The following TPM3 variants were observed in gnomAD, a reference collection of about 807,000 sequenced individuals.
TPM3 encodes tropomyosin 3.
A neutral mutation model predicts 43.1 loss-of-function variants in TPM3; 16 were observed. The observed-to-expected ratio is 0.37, with a 90% CI of 0.25 to 0.56. The LOEUF (loss-of-function observed/expected upper bound fraction) is 0.56, where lower values mean the gene tolerates loss of function less well. Ranked by LOEUF, TPM3 falls within the 20% of genes least tolerant of loss-of-function variation. The probability of loss-of-function intolerance (pLI) is 0.77; values close to 1 mark genes in which losing one functional copy is unlikely to be tolerated. For missense variants in TPM3, 176 were observed against 337.2 expected (o/e 0.52, Z 3.74); for synonymous variants, 101 against 116.9 (o/e 0.86, Z 0.88).
At chr1:154,169,447 T>A (rs906292859) in intron 8 of TPM3, 64 bp from the exon 9 acceptor site, 17 of 1,518,582 alleles carry the variant, frequency 1.1e-5, no homozygotes, top group Non-Finnish European at 1.5e-5. Flanking sequence ...CAGAAGCAGA[T>A]GAAGAGAGGG....
Position 154,163,343 on chromosome 1 carries a change from T to C in TPM3, c.*4594A>G, listed in dbSNP as rs556015806. 2.8e-4 allele frequency among the ~76,000 whole-genome samples: 42 copies of C among 152,328 alleles called. No individual in the cohort carries two copies. The highest frequency in any genetic ancestry group is 2.2e-3 in the Admixed American group (34 of 15,298). ...CTAGACATCATTACCAAAAGTTCTG[T>C]TGGAAAGCCCTGCTCTAAAGTAAAT... On this transcript the variant is annotated 3_prime_UTR_variant, in exon 10 of 10. Transcript: ENST00000651641.
intron 2 of TPM3, among the ~76,000 whole-genome samples, chr1:154,182,787 C>A (rs141006941): frequency 6.6e-6 from 1 of 152,166 alleles, no homozygotes; most frequent in East Asian, 1.9e-4. Context: ...AAAGGTCAAG[C>A]CTGCTCGCCC....
intron 2 of TPM3, among the ~76,000 whole-genome samples, chr1:154,179,217 G>A (rs941945308): frequency 1.3e-5 from 2 of 152,214 alleles, no homozygotes; most frequent in African/African-American, 4.8e-5. Flanking sequence ...CCGTGTCCTT[G>A]GGGAATTTAA....
At chr1:154,187,157 CCTT>C (rs1663445823) in intron 2 of TPM3, 1 of 234,012 alleles carries the variant, frequency 4.3e-6, no homozygotes, top group Non-Finnish European at 7.0e-6. Flanking sequence ...TAAACACTGT[CCTT>C]CTTTGACCCT....
rs1431624972 is a variant in TPM3, at chr1:154,167,872, G to C, written c.*65C>G. ...GACCCAAATGGAATCCAGAGCGAGA[G>C]TGGGGCCTTGGGTTCCCCGAGGAGT... is the stretch of plus-strand genomic sequence containing the variant. On this transcript the variant is annotated 3_prime_UTR_variant, in exon 10 of 10. Transcript: ENST00000651641. The C allele has an allele frequency of 3.7e-6, 6 of 1,613,758 alleles. No homozygotes were observed. In the African/African-American group the frequency reaches 4.0e-5, roughly 11 times the overall value.
At chr1:154,155,780 T>C (rs1451666919), downstream of TPM3, 2 of 224,816 alleles carry the variant, frequency 8.9e-6, no homozygotes, top group African/African-American at 2.2e-5. Context: ...ATTGATATGG[T>C]TGTGAAGGAA....
At chr1:154,179,856 C>A (rs753419651) in intron 2 of TPM3, among the ~76,000 whole-genome samples, 1 of 151,910 alleles carries the variant, frequency 6.6e-6, no homozygotes, top group Admixed American at 6.6e-5. Flanking sequence ...TGTGAGCCAC[C>A]GCACCCAGCC....
chr1:154,182,989 T>C (rs1443415308), intron 2 of TPM3: 1 of 1,610,970 alleles, frequency 6.2e-7, no homozygotes, highest in South Asian at 1.1e-5. Context: ...TCTCCGTACC[T>C]GTTCCCGGGC....
At chr1:154,179,505 G>T (rs1035034917) in intron 2 of TPM3, among the ~76,000 whole-genome samples, 2 of 152,072 alleles carry the variant, frequency 1.3e-5, no homozygotes, top group African/African-American at 4.8e-5. Context: ...CCACTCCCTC[G>T]GTAGTACTCT....
chr1:154,183,286 G>A, intron 2 of TPM3: 3 of 1,508,008 alleles, frequency 2.0e-6, no homozygotes, highest in Non-Finnish European at 1.8e-6. Flanking sequence ...CAGGCAGGCG[G>A]GAAGGCAGTC....
In TPM3 at chr1:154,170,699, CTTT is replaced by C. The variant is rs1661474374; in HGVS notation, c.652_654del (p.Lys218del). ...TTGATTTCTTCCTCATATTTATCTT[CTTT>C]TTGAGAGTACTGTAAGATAAGTAGA... On this transcript the variant is annotated inframe_deletion, in exon 7 of 10. Coordinates refer to ENST00000651641, the MANE Select transcript of TPM3 (RefSeq NM_152263.4). The C allele has an allele frequency of 6.2e-7, 1 of 1,609,778 alleles. No individual in the cohort carries two copies. Among genetic ancestry groups the C allele is most frequent in the Non-Finnish European group, 8.5e-7 (1 of 1,177,046 alleles).
At chr1:154,176,002 G>A (rs1571417930) in intron 3 of TPM3, 113 bp downstream of exon 3, 1 of 1,551,184 alleles carries the variant, frequency 6.4e-7, no homozygotes, top group Non-Finnish European at 8.8e-7. Flanking sequence ...TTACAGGCGT[G>A]AGCCATCACA....
At chr1:154,174,407 T>TATATATATATATATACACACAC (rs1261318136) in intron 3 of TPM3, among the ~76,000 whole-genome samples, 4 of 72,688 alleles carry the variant, frequency 5.5e-5, no homozygotes, top group African/African-American at 2.0e-4. Context: ...TATATATATA[T>TATATATATATATATACACACAC]ACACACAAAA....
At chr1:154,185,469 G>A (rs1338378580) in intron 2 of TPM3, among the ~76,000 whole-genome samples, 1 of 150,312 alleles carries the variant, frequency 6.7e-6, no homozygotes, top group Non-Finnish European at 1.5e-5. Context: ...GGATCACGAG[G>A]TCAGGAGTTC....
chr1:154,178,040 A>G, intron 2 of TPM3: 1 of 662,866 alleles, frequency 1.5e-6, no homozygotes, highest in Non-Finnish European at 1.9e-6. Flanking sequence ...TCACAAACCC[A>G]ACAAGGCCAT....
rs1261318136 is a variant in TPM3, at chr1:154,174,407, T to TATATACATAC, written c.378-1207_378-1206insGTATGTATAT. On this transcript the variant is annotated intron_variant, in intron 3 of 9. Coordinates refer to ENST00000651641, the MANE Select transcript of TPM3 (RefSeq NM_152263.4). ...ATATATATATATATATATATATATA[T>TATATACATAC]ACACACAAAAATCCCATCCCAGCTT... Among the ~76,000 whole-genome samples, 144 of 72,674 alleles carry TATATACATAC rather than the reference T, an allele frequency of 2.0e-3. 1 individual carries two copies. The highest frequency in any genetic ancestry group is 7.3e-3 in the South Asian group (13 of 1,784). 47.7% of individuals were successfully genotyped at this position (72,674 alleles called of 152,430 possible).
At chr1:154,190,593 A>G (rs948420934) in intron 2 of TPM3, among the ~76,000 whole-genome samples, 5 of 152,174 alleles carry the variant, frequency 3.3e-5, no homozygotes, top group Admixed American at 6.5e-5. Flanking sequence ...CTTAGTTTCT[A>G]TTATACTCTG....
intron 1 of TPM3, 76 bp downstream of exon 1, chr1:154,191,826 T>C (rs1034990659): frequency 6.3e-7 from 1 of 1,585,964 alleles, no homozygotes; most frequent in Non-Finnish European, 8.6e-7. Context: ...GTAGTCACTG[T>C]CTTTCCCATG....
chr1:154,177,498 G>T (rs1359418127), intron 2 of TPM3, among the ~76,000 whole-genome samples: 1 of 152,080 alleles, frequency 6.6e-6, no homozygotes, highest in African/African-American at 2.4e-5. Flanking sequence ...AAATTCTAAT[G>T]GTAGGAAAAC....
Sources: allele counts gnomAD v4.1 joint callset (sites outside exome capture counted in the v4.1 genomes callset), GRCh38; gene constraint gnomAD v4.1.1; transcripts MANE v1.5; gene names NCBI Gene and HGNC (gene_info 2026-07-23, HGNC 2026-07-21).